Variants in FRMD6 observed in about 807,000 individuals in gnomAD.
The protein encoded by FRMD6 is FERM domain-containing protein 6.
In FRMD6, 37 loss-of-function variants were observed where a neutral mutation model predicts 73.2. The ratio of observed to expected loss-of-function variants is 0.51; its 90% confidence interval spans 0.39 to 0.66. The LOEUF (loss-of-function observed/expected upper bound fraction) is 0.66. Among genes scored for constraint, FRMD6 ranks in the 30% least tolerant of loss-of-function variants. FRMD6 has a pLI of 0.00. For synonymous variants in FRMD6, 273 were observed against 282.2 expected (o/e 0.97, Z 0.33); for missense variants, 714 against 780.5 (o/e 0.91, Z 1.02).
intron 1 of FRMD6, among the ~76,000 whole-genome samples, chr14:51,671,000 A>C (rs1371706244): frequency 6.6e-6 from 1 of 152,212 alleles, no homozygotes; most frequent in African/African-American, 2.4e-5. Flanking sequence ...GTTTTTCTGC[A>C]TCTATTGAAA....
intron 2 of FRMD6, among the ~76,000 whole-genome samples, chr14:51,599,280 G>C (rs530266640): frequency 6.6e-5 from 10 of 151,948 alleles, no homozygotes; most frequent in Non-Finnish European, 1.5e-4. Flanking sequence ...GGGATAGCTA[G>C]CTATCCATAT....
At chr14:51,635,541 T>C (rs908643353) in intron 2 of FRMD6, among the ~76,000 whole-genome samples, 3 of 152,204 alleles carry the variant, frequency 2.0e-5, no homozygotes. Context: ...AAAAAGTAGA[T>C]TTAGAAAATA....
the FRMD6 span, among the ~76,000 whole-genome samples, chr14:51,445,346 A>G: frequency 6.6e-6 from 1 of 152,152 alleles, no homozygotes; most frequent in African/African-American, 2.4e-5. Flanking sequence ...TGATGTCATC[A>G]AAGCCAGTGG....
chr14:51,498,881 A>G (rs1422460194), intron 1 of FRMD6, among the ~76,000 whole-genome samples: 2 of 152,236 alleles, frequency 1.3e-5, no homozygotes, highest in Admixed American at 1.3e-4. Flanking sequence ...TGTATTACAT[A>G]AGATATTTGT....
intron 1 of FRMD6, chr14:51,546,502 G>A (rs1427815499): frequency 2.1e-5 from 3 of 144,848 alleles, no homozygotes; most frequent in African/African-American, 7.7e-5. Flanking sequence ...AATATCTAAT[G>A]GGGTAAAGGT....
At chr14:51,654,439 C>G (rs1892677227) in intron 1 of FRMD6, among the ~76,000 whole-genome samples, 1 of 152,004 alleles carries the variant, frequency 6.6e-6, no homozygotes, top group Admixed American at 6.6e-5. Flanking sequence ...ATGAAAGTTT[C>G]AAACATAATT....
intron 2 of FRMD6, among the ~76,000 whole-genome samples, chr14:51,625,455 C>T (rs982178413): frequency 1.2e-5 from 1 of 85,436 alleles, no homozygotes; most frequent in Non-Finnish European, 2.5e-5. Flanking sequence ...TTCCCCTTAT[C>T]TTTTTTTTTT....
At chr14:51,468,298 T>TGGGAGAGGGGAAGGGGGA in the FRMD6 span, among the ~76,000 whole-genome samples, 1 of 20,198 alleles carries the variant, frequency 5.0e-5, no homozygotes, top group Non-Finnish European at 9.0e-5. Flanking sequence ...GAGACAGAGA[T>TGGGAGAGGGGAAGGGGGA]GGGAGAGGGG....
chr14:51,449,853 G>T, the FRMD6 span, among the ~76,000 whole-genome samples: 1 of 152,132 alleles, frequency 6.6e-6, no homozygotes, highest in Admixed American at 6.5e-5. Flanking sequence ...GGGAACAGAT[G>T]GCAGCACCAG....
intron 2 of FRMD6, among the ~76,000 whole-genome samples, chr14:51,582,453 A>G (rs918361952): frequency 1.3e-5 from 2 of 152,324 alleles, no homozygotes; most frequent in East Asian, 1.9e-4. Context: ...CACCTCAAGT[A>G]TTGTAACCAC....
chr14:51,726,976 T>G (rs1017421605), intron 13 of FRMD6, among the ~76,000 whole-genome samples: 21 of 152,226 alleles, frequency 1.4e-4, no homozygotes, highest in African/African-American at 4.8e-4. Flanking sequence ...TCCATTCATA[T>G]AATTATCAGA....
intron 1 of FRMD6, among the ~76,000 whole-genome samples, chr14:51,532,519 T>C (rs948881636): frequency 2.0e-5 from 3 of 152,146 alleles, no homozygotes; most frequent in Non-Finnish European, 4.4e-5. Context: ...CACCCCAGGG[T>C]CCATGATACC....
At chr14:51,507,326 G>T (rs1420183433) in intron 1 of FRMD6, among the ~76,000 whole-genome samples, 1 of 152,098 alleles carries the variant, frequency 6.6e-6, no homozygotes, top group Non-Finnish European at 1.5e-5. Context: ...GCATTGCAGT[G>T]GTGACAATGC....
intron 2 of FRMD6, among the ~76,000 whole-genome samples, chr14:51,622,544 A>C (rs1218337052): frequency 2.0e-5 from 3 of 152,164 alleles, no homozygotes; most frequent in Non-Finnish European, 4.4e-5. Flanking sequence ...TATGTTTGTG[A>C]GCTTCAAGTT....
intron 2 of FRMD6, among the ~76,000 whole-genome samples, chr14:51,619,628 A>G (rs1890849453): frequency 1.3e-5 from 2 of 152,222 alleles, no homozygotes; most frequent in Admixed American, 1.3e-4. Context: ...CACTAAGAGC[A>G]TAAAGGCTTT....
intron 1 of FRMD6, among the ~76,000 whole-genome samples, chr14:51,548,177 G>C (rs1886582987): frequency 6.6e-6 from 1 of 152,152 alleles, no homozygotes; most frequent in African/African-American, 2.4e-5. Context: ...CTAAACAACT[G>C]TGGCACCAAA....
At chr14:51,543,647 T>C (rs951897056) in intron 1 of FRMD6, among the ~76,000 whole-genome samples, 1 of 151,992 alleles carries the variant, frequency 6.6e-6, no homozygotes, top group Non-Finnish European at 1.5e-5. Flanking sequence ...CACAAGAACA[T>C]AGATGCTGAA....
upstream of FRMD6, among the ~76,000 whole-genome samples, chr14:51,649,343 T>C (rs541894673): frequency 6.6e-6 from 1 of 152,326 alleles, no homozygotes; most frequent in Non-Finnish European, 1.5e-5. Context: ...AATATAATTC[T>C]GGACAACAAG....
intron 3 of FRMD6, among the ~76,000 whole-genome samples, chr14:51,700,480 G>A (rs564166067): frequency 2.6e-5 from 4 of 152,122 alleles, no homozygotes; most frequent in South Asian, 2.1e-4. Flanking sequence ...CCCAAAGGCA[G>A]TGCGAGTAAG....
Sources: gnomAD v4.1 joint callset for allele counts (sites outside exome capture counted in the v4.1 genomes callset) on GRCh38, gnomAD v4.1.1 for gene constraint, MANE v1.5 for transcripts, NCBI Gene and HGNC (gene_info 2026-07-23, HGNC 2026-07-21) for gene names.